The following PPIP5K2 variants were observed in gnomAD, a reference collection of about 807,000 sequenced individuals.
PPIP5K2 encodes diphosphoinositol pentakisphosphate kinase 2.
A neutral mutation model predicts 154.6 loss-of-function variants in PPIP5K2; 105 were observed. That is an observed-to-expected ratio of 0.68 (90% CI 0.58 to 0.80). The LOEUF (loss-of-function observed/expected upper bound fraction) is 0.80. PPIP5K2 is among the 30% of genes least tolerant of loss of function. The pLI, the probability that PPIP5K2 is intolerant of heterozygous loss-of-function variation, is 0.00. For missense variants in PPIP5K2, 992 were observed against 1,504.6 expected, an observed-to-expected ratio of 0.66 and a Z score of 5.64; for synonymous variants, 480 against 490.3, an observed-to-expected ratio of 0.98 and a Z score of 0.28.
At chr5:103,194,842 G>T in intron 29 of PPIP5K2, 58 bp from the exon 30 acceptor site, 1 of 1,549,296 alleles carries the variant, frequency 6.5e-7, no homozygotes. Flanking sequence ...TTTCTATGAT[G>T]TTAAGAGATA....
intron 24 of PPIP5K2, among the ~76,000 whole-genome samples, chr5:103,181,877 A>G (rs1443573526): frequency 6.6e-6 from 1 of 152,178 alleles, no homozygotes; most frequent in Non-Finnish European, 1.5e-5. Flanking sequence ...CTGTCCATAA[A>G]GTAGATCCTT....
intron 14 of PPIP5K2, among the ~76,000 whole-genome samples, chr5:103,156,458 T>C (rs1158040093): frequency 6.6e-6 from 1 of 152,178 alleles, no homozygotes; most frequent in Admixed American, 6.5e-5. Flanking sequence ...TTTGGTCTCC[T>C]AAGAGCAGTC....
intron 16 of PPIP5K2, 43 bp from the exon 17 acceptor site, chr5:103,159,103 A>C: frequency 7.5e-7 from 1 of 1,334,434 alleles, no homozygotes; most frequent in Non-Finnish European, 1.0e-6. Context: ...TATTTTACGT[A>C]TTAATTTTTT....
chr5:103,147,217 T>C (rs1468427686), intron 6 of PPIP5K2, among the ~76,000 whole-genome samples: 1 of 151,932 alleles, frequency 6.6e-6, no homozygotes, highest in Non-Finnish European at 1.5e-5. Context: ...AATTTAGCAA[T>C]GTATCAGAAT....
intron 2 of PPIP5K2, among the ~76,000 whole-genome samples, chr5:103,131,668 A>C (rs1554202730): frequency 6.6e-6 from 1 of 152,180 alleles, no homozygotes; most frequent in African/African-American, 2.4e-5. Flanking sequence ...CTTTATATTT[A>C]TAAAATTATT....
chr5:103,154,952 C>A lies in PPIP5K2; in HGVS notation c.1403+9C>A, dbSNP rs782318060. ...AAGACTGTATTAGAGATGTGAGTAT[C>A]TTTTTGAAACGCTTAATTGTGGTAC... On this transcript the variant is annotated intron_variant, in intron 13 of 30. Transcript: ENST00000358359. 2.7e-6 allele frequency: 4 copies of A among 1,504,356 alleles called. No homozygotes were observed. In the African/African-American group the frequency reaches 5.6e-5, roughly 21 times the overall value. 93.2% of individuals were successfully genotyped at this position (1,504,356 alleles called of 1,614,324 possible). A position where few individuals can be genotyped will look rare whatever the true frequency, so the allele number is the denominator to read the frequency against.
chr5:103,175,629 G>T (rs1554220793), intron 21 of PPIP5K2, among the ~76,000 whole-genome samples: 2 of 152,064 alleles, frequency 1.3e-5, no homozygotes. Context: ...ATTCTAATTG[G>T]ATTGGGAAGC....
intron 30 of PPIP5K2, among the ~76,000 whole-genome samples, chr5:103,200,120 C>T (rs1802744756): frequency 1.3e-5 from 2 of 152,166 alleles, no homozygotes; most frequent in African/African-American, 4.8e-5. Flanking sequence ...TGGCTGAGCT[C>T]AGATTGTAAA....
At chr5:103,176,105 G>A (rs544011732) in intron 21 of PPIP5K2, among the ~76,000 whole-genome samples, 1 of 151,924 alleles carries the variant, frequency 6.6e-6, no homozygotes, top group Non-Finnish European at 1.5e-5. Context: ...TTATAAATAA[G>A]ATTTCAGGAA....
At chr5:103,179,948 T>A in intron 23 of PPIP5K2, 73 bp from the exon 24 acceptor site, 1 of 1,248,674 alleles carries the variant, frequency 8.0e-7, no homozygotes, top group Non-Finnish European at 1.1e-6. Context: ...CTACCAGTGG[T>A]AGTTGAATCT....
Position 103,190,301 on chromosome 5 carries a change from G to A in PPIP5K2, c.3353-541G>A, listed in dbSNP as rs529632196. Among the ~76,000 whole-genome samples the A allele has an allele frequency of 1.3e-4, 20 of 152,088 alleles. No individual in the cohort carries two copies. The South Asian group carries it at 2.1e-3, about 16-fold the overall frequency. ...AATTCAGTAAAGGTAGGTGAAATAC[G>A]TTTTGGAATTTTTATTCCAGCATGA... On this transcript the variant is annotated intron_variant, in intron 28 of 30. Coordinates refer to ENST00000358359, the MANE Select transcript of PPIP5K2 (RefSeq NM_001276277.3).
chr5:103,120,682 C>T (rs754289519), intron 1 of PPIP5K2, 194 bp downstream of exon 1: 1 of 311,118 alleles, frequency 3.2e-6, no homozygotes, highest in Non-Finnish European at 6.7e-6. Context: ...CCTTTCGCGC[C>T]TTGATTTCTC....
At chr5:103,199,061 A>C (rs1802562266) in intron 30 of PPIP5K2, among the ~76,000 whole-genome samples, 1 of 152,060 alleles carries the variant, frequency 6.6e-6, no homozygotes, top group Admixed American at 6.6e-5. Flanking sequence ...GTATAGATTC[A>C]TTTACCTTAC....
At position 103,177,807 on chromosome 5, in the gene PPIP5K2, A is replaced by G. The variant is rs112852012; in HGVS notation, c.2637+33A>G. 3.0e-3 allele frequency: 4,750 copies of G among 1,595,338 alleles called. 105 individuals carry two copies. The African/African-American group carries it at 0.057, about 19-fold the overall frequency. On this transcript the variant is annotated intron_variant, in intron 22 of 30. Coordinates refer to ENST00000358359, the MANE Select transcript of PPIP5K2 (RefSeq NM_001276277.3). ...GAGCTCTTGATTTGTGTTTTACCAGACATAAATAAAGAGCTTAAAGTTTCT... is the reference window on the plus strand; with the variant it reads ...GAGCTCTTGATTTGTGTTTTACCAGGCATAAATAAAGAGCTTAAAGTTTCT...
intron 19 of PPIP5K2, among the ~76,000 whole-genome samples, chr5:103,169,936 A>G (rs988713771): frequency 5.9e-5 from 9 of 151,678 alleles, no homozygotes; most frequent in Non-Finnish European, 1.2e-4. Context: ...ATCTAAATGT[A>G]TCACCTACTC....
intron 14 of PPIP5K2, among the ~76,000 whole-genome samples, chr5:103,157,499 C>A (rs897272956): frequency 2.2e-4 from 33 of 152,074 alleles, no homozygotes; most frequent in African/African-American, 7.5e-4. Flanking sequence ...ATGTATCTGG[C>A]CGGGCGCAGT....
intron 14 of PPIP5K2, among the ~76,000 whole-genome samples, chr5:103,156,406 A>G (rs1795426490): frequency 6.6e-6 from 1 of 152,162 alleles, no homozygotes; most frequent in Non-Finnish European, 1.5e-5. Context: ...ATAAATGGGT[A>G]TTTTCTTCCA....
chr5:103,125,470 T>TA (rs34275331), intron 1 of PPIP5K2, among the ~76,000 whole-genome samples: 245 of 151,278 alleles, frequency 1.6e-3, no homozygotes, highest in African/African-American at 5.7e-3. Context: ...TTTTTTTTTT[T>TA]ATATGACATC....
At chr5:103,183,687 A>G (rs1799926746) in intron 25 of PPIP5K2, among the ~76,000 whole-genome samples, 1 of 152,200 alleles carries the variant, frequency 6.6e-6, no homozygotes, top group Non-Finnish European at 1.5e-5. Flanking sequence ...TCACCTTGTT[A>G]ATAAAATTAT....
Sources: gnomAD v4.1 joint callset for allele counts (sites outside exome capture counted in the v4.1 genomes callset) on GRCh38, gnomAD v4.1.1 for gene constraint, MANE v1.5 for transcripts, NCBI Gene and HGNC (gene_info 2026-07-23, HGNC 2026-07-21) for gene names.